Variants in FOCAD observed in about 807,000 individuals in gnomAD.
FOCAD encodes KIAA1797.
In FOCAD, 198 loss-of-function variants were observed where a neutral mutation model predicts 225.6. The ratio of observed to expected loss-of-function variants is 0.88; its 90% confidence interval spans 0.78 to 0.99. The LOEUF is 0.99. Ranked by LOEUF, FOCAD falls within the 50% of genes least tolerant of loss-of-function variation. The pLI is 0.00. For synonymous variants in FOCAD, 897 were observed against 755.0 expected (o/e 1.19, Z -3.08); for missense variants, 2,713 against 2,123.6 (o/e 1.28, Z -5.46).
chr9:20,706,728 G>C (rs1257629728), intron 1 of FOCAD, among the ~76,000 whole-genome samples: 1 of 152,184 alleles, frequency 6.6e-6, no homozygotes, highest in Non-Finnish European at 1.5e-5. Context: ...TATTAGTTAA[G>C]GAAGTGCTAG....
chr9:20,923,795 G>A, intron 25 of FOCAD, 27 bp downstream of exon 25: 1 of 1,557,180 alleles, frequency 6.4e-7, no homozygotes, highest in Non-Finnish European at 8.8e-7. Flanking sequence ...TAAACAATTG[G>A]CTTTGATTAT....
intron 15 of FOCAD, among the ~76,000 whole-genome samples, chr9:20,854,679 A>G (rs193103373): frequency 7.9e-5 from 12 of 151,890 alleles, no homozygotes; most frequent in African/African-American, 2.6e-4. Context: ...CCCAGCAACA[A>G]AGTATGCATA....
At chr9:20,742,284 C>T (rs1237862631) in intron 5 of FOCAD, among the ~76,000 whole-genome samples, 1 of 152,200 alleles carries the variant, frequency 6.6e-6, no homozygotes, top group African/African-American at 2.4e-5. Context: ...TTAAAAGTGT[C>T]CTAGGTGATT....
At chr9:20,920,627 G>C (rs1320378468) in intron 24 of FOCAD, among the ~76,000 whole-genome samples, 1 of 148,464 alleles carries the variant, frequency 6.7e-6, no homozygotes, top group Non-Finnish European at 1.5e-5. Context: ...GGAATACTAT[G>C]CAGCCATAAA....
intron 24 of FOCAD, among the ~76,000 whole-genome samples, chr9:20,920,026 A>T (rs1341457308): frequency 6.6e-6 from 1 of 152,112 alleles, no homozygotes; most frequent in African/African-American, 2.4e-5. Context: ...TGAACAGGCA[A>T]CCTACAAAAT....
intron 11 of FOCAD, among the ~76,000 whole-genome samples, chr9:20,815,123 G>GTGGTTTTTTTTTTTT (rs1564024181): frequency 1.2e-5 from 1 of 85,396 alleles, no homozygotes; most frequent in African/African-American, 4.7e-5. Flanking sequence ...ACTTCTCTTT[G>GTGGTTTTTTTTTTTT]TTTTTTTTTT....
intron 22 of FOCAD, 100 bp from the exon 23 acceptor site, chr9:20,912,766 A>T: frequency 1.1e-6 from 1 of 896,910 alleles, no homozygotes; most frequent in Non-Finnish European, 1.8e-6. Flanking sequence ...CAGAACACTT[A>T]AGGCCAAATG....
intron 2 of FOCAD, among the ~76,000 whole-genome samples, chr9:20,679,144 TGTGTGTGTGTGTGTG>T (rs1292739856): frequency 7.0e-6 from 1 of 142,386 alleles, no homozygotes; most frequent in African/African-American, 3.0e-5. Context: ...TGTGTGTGTG[TGTGTGTGTGTGTGTG>T]TGTGTGTGTG....
chr9:20,672,743 G>A (rs759239639), intron 2 of FOCAD, among the ~76,000 whole-genome samples: 10 of 152,154 alleles, frequency 6.6e-5, no homozygotes, highest in Non-Finnish European at 1.3e-4. Context: ...GAGCCACTGC[G>A]CCCGGCCAAA....
intron 35 of FOCAD, among the ~76,000 whole-genome samples, chr9:20,965,413 G>A (rs185063589): frequency 3.7e-4 from 57 of 152,210 alleles, no homozygotes; most frequent in African/African-American, 1.3e-3. Context: ...GATATCAGGC[G>A]CCAAGACTGT....
chr9:20,665,558 T>C (rs1384448349), intron 2 of FOCAD, among the ~76,000 whole-genome samples: 1 of 152,246 alleles, frequency 6.6e-6, no homozygotes, highest in African/African-American at 2.4e-5. Context: ...TATACAATTA[T>C]TTGATTCTAG....
At position 20,907,217 on chromosome 9, in the gene FOCAD, A is replaced by T. The variant is rs1463128433; in HGVS notation, c.2693A>T (p.Asn898Ile). ...CCACAGGCCTGGCTTGCATACATGA[A>T]TCGAGCTTATCATGCCATTTTACAG... ...FLPQAWLAYM[N>I]RAYHAILQGR... Residue 898 changes from asparagine (N) to isoleucine (I), a missense_variant, in exon 22 of 44, where the codon AAT becomes ATT. Asn to Ile is a moderately radical substitution (Grantham distance 149). Transcript: ENST00000338382. The T allele has an allele frequency of 1.2e-6, 2 of 1,613,052 alleles. No homozygotes were observed. Among genetic ancestry groups the T allele is most frequent in the Admixed American group, 1.7e-5 (1 of 59,904 alleles).
chr9:20,960,879 T>A (rs565629497), intron 35 of FOCAD, among the ~76,000 whole-genome samples: 1 of 152,220 alleles, frequency 6.6e-6, no homozygotes, highest in African/African-American at 2.4e-5. Context: ...TTGCTGAGAA[T>A]GATGGTTTCC....
At chr9:20,817,512 G>A (rs1319253041) in intron 11 of FOCAD, among the ~76,000 whole-genome samples, 2 of 151,966 alleles carry the variant, frequency 1.3e-5, no homozygotes, top group South Asian at 2.1e-4. Flanking sequence ...GCATGTATCA[G>A]TACTTCCTTT....
chr9:20,720,382 T>C lies in FOCAD; in HGVS notation c.135T>C (p.Thr45=). 6 of 1,613,942 alleles carry C rather than the reference T, an allele frequency of 3.7e-6. No individual in the cohort carries two copies. Among genetic ancestry groups the C allele is most frequent in the African/African-American group, 1.3e-5 (1 of 75,044 alleles). The change falls in exon 4 of 44, where the codon ACT becomes ACC. Residue 45 remains threonine (T), a splice_region_variant and synonymous_variant. Transcript: ENST00000338382. ...TCTAATCACTGGTTTGGTTTCAGAC[T>C]CCTGCTTTGAACTTGCTGTGGGAGA... ...SEKIHQSTNQ[T]PALNLLWEKC...
intron 19 of FOCAD, among the ~76,000 whole-genome samples, chr9:20,879,920 C>T (rs1393768092): frequency 1.3e-5 from 2 of 152,138 alleles, no homozygotes; most frequent in Non-Finnish European, 2.9e-5. Flanking sequence ...CATGTTTCAC[C>T]TTTTGCCAGA....
chr9:20,880,143 A>G (rs977675008), intron 19 of FOCAD, among the ~76,000 whole-genome samples: 1 of 152,178 alleles, frequency 6.6e-6, no homozygotes, highest in Non-Finnish European at 1.5e-5. Context: ...GATCACTGTT[A>G]TGACAAGAAA....
chr9:20,791,189 A>G (rs1820488442), intron 11 of FOCAD, among the ~76,000 whole-genome samples: 1 of 151,176 alleles, frequency 6.6e-6, no homozygotes, highest in Admixed American at 6.6e-5. Flanking sequence ...ACTGACAGAA[A>G]ACATATATTG....
At chr9:20,781,521 A>T (rs1025842091) in intron 9 of FOCAD, among the ~76,000 whole-genome samples, 4 of 152,192 alleles carry the variant, frequency 2.6e-5, no homozygotes, top group South Asian at 2.1e-4. Context: ...TTTTTCAGTT[A>T]TATATGTTAA....
Sources: allele counts gnomAD v4.1 joint callset (sites outside exome capture counted in the v4.1 genomes callset), GRCh38; gene constraint gnomAD v4.1.1; transcripts MANE v1.5; gene names NCBI Gene and HGNC (gene_info 2026-07-23, HGNC 2026-07-21).